Variants in SLC1A2 observed in about 807,000 individuals in gnomAD.
SLC1A2 encodes the protein solute carrier family 1 member 2.
A neutral mutation model predicts 48.8 loss-of-function variants in SLC1A2; 15 were observed. That is an observed-to-expected ratio of 0.31 (90% confidence interval 0.21 to 0.47). SLC1A2 has a LOEUF of 0.47. Ranked by LOEUF, SLC1A2 falls within the 20% of genes least tolerant of loss-of-function variation. SLC1A2 has a pLI of 0.99. For synonymous variants in SLC1A2, 279 were observed against 272.6 expected (o/e 1.02, Z -0.23); for missense variants, 502 against 730.5 (o/e 0.69, Z 3.61).
intron 5 of SLC1A2, among the ~76,000 whole-genome samples, chr11:35,303,078 C>T (rs1851400800): frequency 6.6e-6 from 1 of 151,792 alleles, no homozygotes; most frequent in Admixed American, 6.6e-5. Context: ...CAGTCCCTCC[C>T]TATTATATCC....
At chr11:35,371,154 A>G in intron 1 of SLC1A2, 9 of 802,190 alleles carry the variant, frequency 1.1e-5, no homozygotes, top group Non-Finnish European at 1.4e-5. Flanking sequence ...TCCTAAAGCA[A>G]CCTACTTTGT....
At chr11:35,322,432 C>T (rs1852102201) in intron 1 of SLC1A2, 1 of 623,680 alleles carries the variant, frequency 1.6e-6, no homozygotes, top group African/African-American at 1.8e-5. Flanking sequence ...GTCACCTTAG[C>T]TGGCACCAAA....
Position 35,278,515 on chromosome 11 carries a change from G to A in SLC1A2, c.1421+2352C>T, listed in dbSNP as rs571819110. On this transcript the variant is annotated intron_variant, in intron 9 of 10. Coordinates refer to ENST00000278379, the MANE Select transcript of SLC1A2 (RefSeq NM_004171.4). Reference sequence around the variant, plus strand: ...GCTGGTCTTGAACTCCCGACCTCAGGTGATCTGCCCGCTTCAGCCTCCCAA... The same window carrying A: ...GCTGGTCTTGAACTCCCGACCTCAGATGATCTGCCCGCTTCAGCCTCCCAA... Among the ~76,000 whole-genome samples, 5 of 152,052 alleles carry A rather than the reference G, an allele frequency of 3.3e-5. No individual in the cohort carries two copies. The South Asian group carries it at 1.0e-3, about 32-fold the overall frequency.
intron 2 of SLC1A2, 75 bp from the exon 3 acceptor site, chr11:35,315,250 G>GC: frequency 9.2e-7 from 1 of 1,090,786 alleles, no homozygotes. Flanking sequence ...ACTTATTTCA[G>GC]CAACATTGAC....
At chr11:35,264,706 A>G (rs1288825969) in intron 10 of SLC1A2, 1 of 152,234 alleles carries the variant, frequency 6.6e-6, no homozygotes, top group Non-Finnish European at 1.5e-5. Flanking sequence ...CCTGAAGGAT[A>G]GCTGTTCTTT....
At chr11:35,333,159 T>G (rs1482837049) in intron 1 of SLC1A2, among the ~76,000 whole-genome samples, 1 of 152,182 alleles carries the variant, frequency 6.6e-6, no homozygotes, top group Non-Finnish European at 1.5e-5. Flanking sequence ...ACACCTGTAA[T>G]CCCAGCAATT....
At chr11:35,350,991 C>T (rs1314986373) in intron 1 of SLC1A2, among the ~76,000 whole-genome samples, 1 of 152,138 alleles carries the variant, frequency 6.6e-6, no homozygotes, top group Non-Finnish European at 1.5e-5. Flanking sequence ...AAGAGTGAAC[C>T]CATCTACCCA....
intron 1 of SLC1A2, among the ~76,000 whole-genome samples, chr11:35,353,922 A>G (rs773969669): frequency 6.6e-6 from 1 of 152,214 alleles, no homozygotes; most frequent in Non-Finnish European, 1.5e-5. Flanking sequence ...CAATATTAAT[A>G]TACATTTAAA....
intron 7 of SLC1A2, among the ~76,000 whole-genome samples, chr11:35,288,835 G>T (rs941800036): frequency 1.4e-5 from 2 of 145,272 alleles, no homozygotes; most frequent in African/African-American, 5.1e-5. Flanking sequence ...GTCATCAAAT[G>T]GTCTTTGGAC....
At chr11:35,376,565 A>T (rs1003515166) in intron 1 of SLC1A2, among the ~76,000 whole-genome samples, 12 of 152,232 alleles carry the variant, frequency 7.9e-5, no homozygotes, top group Non-Finnish European at 1.5e-4. Context: ...TGTAAATGAA[A>T]AAAGGATCAA....
chr11:35,306,969 C>G (rs556742092), intron 4 of SLC1A2: 5 of 152,220 alleles, frequency 3.3e-5, no homozygotes, highest in Non-Finnish European at 5.9e-5. Flanking sequence ...TCTTCTTTCA[C>G]TCCTATGATT....
intron 10 of SLC1A2, chr11:35,261,847 G>T: frequency 2.5e-6 from 1 of 397,382 alleles, no homozygotes; most frequent in South Asian, 1.4e-4. Context: ...CATGCATCAT[G>T]ACCACATACA....
Position 35,299,453 on chromosome 11 carries a change from T to C in SLC1A2, c.857+2066A>G, listed in dbSNP as rs552978578. 11 of 152,010 alleles carry C rather than the reference T, an allele frequency of 7.2e-5. No individual in the cohort carries two copies. In the East Asian group the frequency reaches 1.9e-3, roughly 27 times the overall value. 9.4% of individuals were successfully genotyped at this position (152,010 alleles called of 1,614,324 possible). A position where few individuals can be genotyped will look rare whatever the true frequency, so the allele number is the denominator to read the frequency against. ...TTCATACAACAGAAATATCCAGAAA[T>C]CTAGCATTGCCTGAGAAGCTGAGGG... On this transcript the variant is annotated intron_variant, in intron 6 of 10. Transcript: ENST00000278379.
At chr11:35,399,311 C>A (rs16927464) in intron 1 of SLC1A2, among the ~76,000 whole-genome samples, 46,696 of 151,940 alleles carry the variant, frequency 0.31, 9,711 homozygotes, top group African/African-American at 0.59. Flanking sequence ...GCTCATGGGA[C>A]ACTAAAGCAA....
chr11:35,301,360 G>A (rs11033063), intron 6 of SLC1A2, among the ~76,000 whole-genome samples, 159 bp downstream of exon 6: 32,894 of 152,126 alleles, frequency 0.22, 3,915 homozygotes, highest in Admixed American at 0.28. Context: ...TCTAGGGGAA[G>A]CTCCAAAAAA....
intron 1 of SLC1A2, among the ~76,000 whole-genome samples, chr11:35,346,957 A>G (rs1853060032): frequency 6.6e-6 from 1 of 152,254 alleles, no homozygotes; most frequent in African/African-American, 2.4e-5. Context: ...GGGACTGGAA[A>G]GATAAATAGG....
intron 7 of SLC1A2, chr11:35,291,953 T>C: frequency 4.4e-6 from 1 of 225,504 alleles, no homozygotes; most frequent in Non-Finnish European, 8.8e-6. Context: ...TTGAAAAATA[T>C]CCTGTTACAC....
chr11:35,295,076 C>G (rs1851130109), intron 6 of SLC1A2, among the ~76,000 whole-genome samples: 1 of 152,062 alleles, frequency 6.6e-6, no homozygotes, highest in South Asian at 2.1e-4. Flanking sequence ...GAGACAGAGT[C>G]TTGCTCTGTT....
intron 1 of SLC1A2, among the ~76,000 whole-genome samples, chr11:35,366,783 T>C (rs939248506): frequency 2.6e-5 from 4 of 152,186 alleles, no homozygotes; most frequent in Middle Eastern, 3.2e-3. Flanking sequence ...TCCCCATGGT[T>C]CTGCTATTGC....
Sources: allele counts gnomAD v4.1 joint callset (sites outside exome capture counted in the v4.1 genomes callset), GRCh38; gene constraint gnomAD v4.1.1; transcripts MANE v1.5; gene names NCBI Gene and HGNC (gene_info 2026-07-23, HGNC 2026-07-21).